The following RGS20 variants were observed in gnomAD, a reference collection of about 807,000 sequenced individuals.
RGS20 encodes the protein gz-selective GTPase-activating protein.
In RGS20, 30 loss-of-function variants were observed where a neutral mutation model predicts 33.6. That is an observed-to-expected ratio of 0.89 (90% confidence interval 0.67 to 1.21). RGS20 has a LOEUF of 1.21. Among genes scored for constraint, RGS20 ranks in the 50% most tolerant of loss-of-function variants. The pLI is 0.00. For missense variants in RGS20, 472 were observed against 502.4 expected, an observed-to-expected ratio of 0.94 and a Z score of 0.58; for synonymous variants, 208 against 197.9, an observed-to-expected ratio of 1.05 and a Z score of -0.43.
intron 3 of RGS20, among the ~76,000 whole-genome samples, chr8:53,943,624 T>G (rs1285156855): frequency 6.6e-6 from 1 of 152,206 alleles, no homozygotes; most frequent in African/African-American, 2.4e-5. Context: ...TCTTCTCTTT[T>G]TCAAAACCAC....
chr8:53,935,506 A>G (rs1049673959), intron 2 of RGS20, among the ~76,000 whole-genome samples: 2 of 152,234 alleles, frequency 1.3e-5, no homozygotes, highest in African/African-American at 4.8e-5. Context: ...AAAATCTAGA[A>G]GAAACAGATA....
intron 1 of RGS20, among the ~76,000 whole-genome samples, chr8:53,865,538 C>T (rs1227996085): frequency 6.6e-6 from 1 of 152,228 alleles, no homozygotes; most frequent in Non-Finnish European, 1.5e-5. Context: ...AAAGTTCATT[C>T]ATTTAACAGA....
At chr8:53,853,925 T>C (rs1027606424) in intron 1 of RGS20, among the ~76,000 whole-genome samples, 2 of 152,098 alleles carry the variant, frequency 1.3e-5, no homozygotes, top group African/African-American at 2.4e-5. Flanking sequence ...GTGAAAGCAG[T>C]GAAATCTAAG....
chr8:53,931,594 A>G (rs920542425), intron 2 of RGS20, among the ~76,000 whole-genome samples: 5 of 146,562 alleles, frequency 3.4e-5, no homozygotes, highest in Non-Finnish European at 7.5e-5. Context: ...ACAACAACAA[A>G]CAACCTGTGG....
chr8:53,870,222 A>C (rs1482851414), intron 1 of RGS20, among the ~76,000 whole-genome samples: 1 of 152,170 alleles, frequency 6.6e-6, no homozygotes, highest in Non-Finnish European at 1.5e-5. Context: ...AGCTCTATGC[A>C]TCCTTACAGA....
intron 1 of RGS20, among the ~76,000 whole-genome samples, chr8:53,864,629 G>A (rs1811882313): frequency 6.6e-6 from 1 of 151,928 alleles, no homozygotes; most frequent in South Asian, 2.1e-4. Flanking sequence ...CGTACATAGT[G>A]GGCACAGAGT....
At chr8:53,886,091 G>C (rs1812535576) in intron 2 of RGS20, among the ~76,000 whole-genome samples, 4 of 152,182 alleles carry the variant, frequency 2.6e-5, no homozygotes, top group Admixed American at 2.6e-4. Context: ...ATTCAAACAA[G>C]TACAGTGTCA....
At chr8:53,854,680 A>C (rs935685957) in intron 1 of RGS20, among the ~76,000 whole-genome samples, 3 of 152,224 alleles carry the variant, frequency 2.0e-5, no homozygotes, top group Non-Finnish European at 2.9e-5. Context: ...GGAATGTAAA[A>C]TAGTACAGCC....
At chr8:53,872,101 A>G (rs1238640354) in intron 1 of RGS20, among the ~76,000 whole-genome samples, 1 of 152,172 alleles carries the variant, frequency 6.6e-6, no homozygotes, top group Non-Finnish European at 1.5e-5. Context: ...GTAAAAAAAC[A>G]CTAGGAATTA....
chr8:53,916,987 C>T (rs1257261923), intron 2 of RGS20, among the ~76,000 whole-genome samples: 1 of 152,132 alleles, frequency 6.6e-6, no homozygotes, highest in Non-Finnish European at 1.5e-5. Context: ...CTAATCACTC[C>T]CTAGGGCCCC....
chr8:53,929,702 G>A (rs1585931422), intron 2 of RGS20, among the ~76,000 whole-genome samples: 1 of 152,244 alleles, frequency 6.6e-6, no homozygotes, highest in African/African-American at 2.4e-5. Context: ...TTTGATAGAA[G>A]TTACCTTTGA....
chr8:53,946,423 G>T, intron 3 of RGS20: 1 of 474,140 alleles, frequency 2.1e-6, no homozygotes, highest in Non-Finnish European at 3.8e-6. Context: ...AAGTATAATT[G>T]AACACAATAA....
At chr8:53,911,443 A>G (rs1426459168) in intron 2 of RGS20, among the ~76,000 whole-genome samples, 1 of 152,230 alleles carries the variant, frequency 6.6e-6, no homozygotes, top group Non-Finnish European at 1.5e-5. Context: ...GTTACGGTGC[A>G]TAACTGGATC....
Position 53,877,032 on chromosome 8 carries a change from C to G in RGS20, c.166-2226C>G, listed in dbSNP as rs929719760. 1.3e-5 allele frequency among the ~76,000 whole-genome samples: 2 copies of G among 152,170 alleles called. No homozygotes were observed. The highest frequency in any genetic ancestry group is 4.8e-5 in the African/African-American group (2 of 41,436). The stretch of plus-strand genomic sequence containing the variant: ...GGAGAAAGGAGGTTACGAGTTCGCA[C>G]GTTCTCACAAAACCATTTGAAAACA... On this transcript the variant is annotated intron_variant, in intron 1 of 5. Coordinates refer to ENST00000297313, the MANE Select transcript of RGS20 (RefSeq NM_170587.4). This position sits in a 1 kb window ranked among gnomAD's most constrained non-coding sequence, Gnocchi z 5.7.
chr8:53,866,196 C>G (rs1407331664), intron 1 of RGS20, among the ~76,000 whole-genome samples: 7 of 152,002 alleles, frequency 4.6e-5, no homozygotes, highest in Non-Finnish European at 1.0e-4. Flanking sequence ...ATTTTAGGAA[C>G]GGAAGGAACA....
intron 2 of RGS20, among the ~76,000 whole-genome samples, chr8:53,911,078 C>A (rs1813335085): frequency 6.6e-6 from 1 of 152,282 alleles, no homozygotes; most frequent in Admixed American, 6.5e-5. Context: ...ACTATTAGAT[C>A]TGAGCTATTT....
At chr8:53,874,409 C>T (rs527725295) in intron 1 of RGS20, among the ~76,000 whole-genome samples, 15 of 150,756 alleles carry the variant, frequency 9.9e-5, no homozygotes, top group African/African-American at 2.4e-4. Context: ...TGTGCGCGCG[C>T]GTGTGCTTGC....
At chr8:53,883,803 G>A (rs1183549901) in intron 2 of RGS20, among the ~76,000 whole-genome samples, 2 of 151,968 alleles carry the variant, frequency 1.3e-5, no homozygotes, top group African/African-American at 2.4e-5. Context: ...AAAATTAGCC[G>A]GGTGTGGTTG....
At chr8:53,931,529 T>C (rs1404999671) in intron 2 of RGS20, among the ~76,000 whole-genome samples, 2 of 151,860 alleles carry the variant, frequency 1.3e-5, no homozygotes, top group Non-Finnish European at 2.9e-5. Context: ...CAGTCCAGCC[T>C]GGGCAACAAG....
Sources: gnomAD v4.1 joint callset for allele counts (sites outside exome capture counted in the v4.1 genomes callset) on GRCh38, gnomAD v4.1.1 for gene constraint, Gnocchi (gnomAD v3.1) non-coding constraint, MANE v1.5 for transcripts, NCBI Gene and HGNC (gene_info 2026-07-23, HGNC 2026-07-21) for gene names.